NUS1: variants seen among roughly 807,000 people sequenced by gnomAD.
NUS1 encodes the protein dehydrodolichyl diphosphate synthase complex subunit NUS1.
For synonymous variants in NUS1, 135 were observed against 155.2 expected (o/e 0.87, Z 0.97); for missense variants, 292 against 382.9 (o/e 0.76, Z 1.98).
At chr6:117,684,208 C>A (rs72969286) in intron 1 of NUS1, among the ~76,000 whole-genome samples, 7,389 of 152,080 alleles carry the variant, frequency 0.049, 195 homozygotes, top group Middle Eastern at 0.12. Context: ...GTTTGCTGAC[C>A]CCTGTCCTGC....
chr6:117,682,844 G>A (rs1010628683), intron 1 of NUS1, among the ~76,000 whole-genome samples: 4 of 152,236 alleles, frequency 2.6e-5, no homozygotes, highest in African/African-American at 7.2e-5. Context: ...AGAATGTGAC[G>A]ACAGTAGTCA....
chr6:117,695,219 A>G (rs1719584752), intron 3 of NUS1, among the ~76,000 whole-genome samples: 1 of 148,522 alleles, frequency 6.7e-6, no homozygotes, highest in Admixed American at 6.6e-5. Context: ...AAAAAAAAAA[A>G]AAGAAAAAGA....
At chr6:117,684,979 A>C (rs79125435) in intron 1 of NUS1, among the ~76,000 whole-genome samples, 4,939 of 152,312 alleles carry the variant, frequency 0.032, 280 homozygotes, top group African/African-American at 0.11. Context: ...TGAGAAGTCG[A>C]AATAGTTGTG....
At chr6:117,697,899 A>G (rs113268034) in intron 3 of NUS1, among the ~76,000 whole-genome samples, 1,886 of 152,260 alleles carry the variant, frequency 0.012, 44 homozygotes, top group African/African-American at 0.042. Context: ...AGAAGAGACC[A>G]TATGTTGGGC....
Position 117,690,847 on chromosome 6 carries a change from G to T in NUS1, c.416-2195G>T, listed in dbSNP as rs573168578. Among the ~76,000 whole-genome samples, 29 of 151,874 alleles carry T rather than the reference G, an allele frequency of 1.9e-4. 2 individuals carry two copies. The South Asian group carries it at 5.6e-3, about 30-fold the overall frequency. On this transcript the variant is annotated intron_variant, in intron 1 of 4. Coordinates refer to ENST00000368494, the MANE Select transcript of NUS1 (RefSeq NM_138459.5). Reference sequence around the variant, plus strand: ...TCTCCTAAAAAAATACAAAAAATTAGCCGGGCATGGTGGCGCATGCCTGTA... The same window carrying T: ...TCTCCTAAAAAAATACAAAAAATTATCCGGGCATGGTGGCGCATGCCTGTA...
chr6:117,681,918 T>C (rs781268506), intron 1 of NUS1, among the ~76,000 whole-genome samples: 4 of 152,180 alleles, frequency 2.6e-5, no homozygotes, highest in Non-Finnish European at 5.9e-5. Context: ...CTGCGACCTC[T>C]GCCTCCGGGG....
chr6:117,697,425 A>G (rs1368510923), intron 3 of NUS1, among the ~76,000 whole-genome samples: 2 of 152,080 alleles, frequency 1.3e-5, no homozygotes, highest in South Asian at 2.1e-4. Context: ...CACTTCACCT[A>G]TAAAGACACA....
In NUS1 at chr6:117,710,555, G is replaced by A. The variant is rs1353379514; in HGVS notation, c.*3540G>A. The A allele has an allele frequency of 1.3e-5, 2 of 151,940 alleles. No homozygotes were observed. Among genetic ancestry groups the A allele is most frequent in the Admixed American group, 6.6e-5 (1 of 15,244 alleles). 9.4% of individuals were successfully genotyped at this position (151,940 alleles called of 1,614,324 possible). ...ATTGATTACATTTTTGGTGATCACC[G>A]AGAATTTTTTGTACTATATTTTAAA... On this transcript the variant is annotated 3_prime_UTR_variant, in exon 5 of 5. Transcript: ENST00000368494.
chr6:117,693,299 A>T, intron 2 of NUS1, 132 bp downstream of exon 2: 1 of 1,005,752 alleles, frequency 9.9e-7, no homozygotes, highest in Non-Finnish European at 1.5e-6. Context: ...ATCTTTAATC[A>T]TCAGATTTAG....
intron 3 of NUS1, among the ~76,000 whole-genome samples, chr6:117,698,964 A>G (rs970831733): frequency 6.6e-6 from 1 of 152,168 alleles, no homozygotes; most frequent in African/African-American, 2.4e-5. Flanking sequence ...CACTTGCATG[A>G]TAAAAACCCT....
intron 1 of NUS1, among the ~76,000 whole-genome samples, chr6:117,688,362 G>T (rs58624798): frequency 0.065 from 9,835 of 152,236 alleles, 404 homozygotes; most frequent in African/African-American, 0.1. Context: ...GGGCTTTGGG[G>T]GTTGATAATG....
intron 1 of NUS1, among the ~76,000 whole-genome samples, chr6:117,690,352 A>C (rs953477823): frequency 9.9e-5 from 15 of 152,160 alleles, no homozygotes; most frequent in Admixed American, 8.5e-4. Context: ...ATTATATTTG[A>C]AATCTTACTA....
At chr6:117,678,535 A>T (rs1325829590) in intron 1 of NUS1, among the ~76,000 whole-genome samples, 1 of 152,192 alleles carries the variant, frequency 6.6e-6, no homozygotes, top group East Asian at 1.9e-4. Context: ...TCAGTGGTGT[A>T]GGAAGGGGTA....
chr6:117,687,381 C>G (rs766125255), intron 1 of NUS1, among the ~76,000 whole-genome samples: 1 of 152,068 alleles, frequency 6.6e-6, no homozygotes, highest in South Asian at 2.1e-4. Flanking sequence ...GACACATTCA[C>G]AAATAAGACT....
Position 117,709,969 on chromosome 6 carries a change from A to G in NUS1, c.*2954A>G. The G allele has an allele frequency of 6.6e-6, 1 of 152,416 alleles. No individual in the cohort carries two copies. The highest frequency in any genetic ancestry group is 1.9e-4 in the East Asian group (1 of 5,182). 9.4% of individuals were successfully genotyped at this position (152,416 alleles called of 1,614,324 possible). On this transcript the variant is annotated 3_prime_UTR_variant, in exon 5 of 5. Coordinates refer to ENST00000368494, the MANE Select transcript of NUS1 (RefSeq NM_138459.5). The stretch of plus-strand genomic sequence containing the variant: ...TATTCTCACTTTTACCAGGTTAAAC[A>G]TTTGGAATCTTATAATGTTACTTGC...
intron 3 of NUS1, 38 bp downstream of exon 3, chr6:117,694,218 T>C (rs1162168417): frequency 4.3e-6 from 5 of 1,167,732 alleles, no homozygotes; most frequent in South Asian, 2.0e-5. Context: ...TATATGTATA[T>C]GTATGTGTGT....
intron 1 of NUS1, among the ~76,000 whole-genome samples, chr6:117,687,445 G>A (rs545187610): frequency 2.6e-5 from 4 of 152,280 alleles, no homozygotes; most frequent in African/African-American, 9.6e-5. Flanking sequence ...TAGAATATTC[G>A]TTTATTAACA....
At chr6:117,695,278 T>C (rs1410996976) in intron 3 of NUS1, among the ~76,000 whole-genome samples, 2 of 152,014 alleles carry the variant, frequency 1.3e-5, no homozygotes, top group African/African-American at 4.8e-5. Flanking sequence ...ATTCTTTGTT[T>C]CTTCCACTTT....
rs1773458592 is a variant in NUS1 at position 117,703,522 on chromosome 6, TG to T, written c.692-82del. The T allele has an allele frequency of 7.2e-6, 7 of 974,094 alleles. No homozygotes were observed. In the Middle Eastern group the frequency reaches 7.7e-4, roughly 108 times the overall value. 60.3% of individuals were successfully genotyped at this position (974,094 alleles called of 1,614,324 possible). ...AAGAACCAATTTGATTAATACATTT[TG>T]CCCATGATCTGTGTGTTTCTGTGTG... On this transcript the variant is annotated intron_variant, in intron 3 of 4. Coordinates refer to ENST00000368494, the MANE Select transcript of NUS1 (RefSeq NM_138459.5).
Sources: gnomAD v4.1 joint callset for allele counts (sites outside exome capture counted in the v4.1 genomes callset) on GRCh38, gnomAD v4.1.1 for gene constraint, MANE v1.5 for transcripts, NCBI Gene and HGNC (gene_info 2026-07-23, HGNC 2026-07-21) for gene names.